The following RNF182 variants were observed in gnomAD, a reference collection of about 807,000 sequenced individuals.
The protein encoded by RNF182 is E3 ubiquitin-protein ligase RNF182.
RNF182 carries 15 observed loss-of-function variants against 14.4 expected under a neutral mutation model. That is an observed-to-expected ratio of 1.04 (90% CI 0.70 to 1.60). The LOEUF is 1.60. Among genes scored for constraint, RNF182 ranks in the 40% most tolerant of loss-of-function variants. RNF182 has a pLI of 0.00. For missense variants in RNF182, 268 were observed against 294.8 expected (o/e 0.91, Z 0.67); for synonymous variants, 128 against 122.9 (o/e 1.04, Z -0.27).
At chr6:13,955,458 A>G (rs926654862) in intron 1 of RNF182, among the ~76,000 whole-genome samples, 2 of 152,262 alleles carry the variant, frequency 1.3e-5, no homozygotes, top group Admixed American at 6.5e-5. Flanking sequence ...ATTTGGTTTC[A>G]GAGTGGGTTA....
rs577642423 is a variant in RNF182, at chr6:13,937,514, C to T, written c.-367+12491C>T. Among the ~76,000 whole-genome samples, 7 of 152,264 alleles carry T rather than the reference C, an allele frequency of 4.6e-5. No individual in the cohort carries two copies. In the South Asian group the frequency reaches 1.5e-3, roughly 32 times the overall value. On this transcript the variant is annotated intron_variant, in intron 1 of 2. Coordinates refer to ENST00000488300, the MANE Select transcript of RNF182 (RefSeq NM_152737.4). ...TAGTAATAGTTTGTTTTTTGTCTCT[C>T]TCATTTTGGTATAGTATTTCATTGC...
intron 1 of RNF182, among the ~76,000 whole-genome samples, chr6:13,954,933 G>T (rs997613041): frequency 2.0e-5 from 3 of 152,170 alleles, no homozygotes; most frequent in Admixed American, 2.0e-4. Flanking sequence ...GCATCAGGAG[G>T]CAACTGCTGC....
Position 13,929,903 on chromosome 6 carries a change from CAA to C in RNF182, c.-367+4881_-367+4882del, listed in dbSNP as rs1758922561. On this transcript the variant is annotated intron_variant, in intron 1 of 2. Transcript: ENST00000488300. ...AGAAACAAAACCTAAAGTCATAAAA[CAA>C]GAAGCATTTCTTCATAGCATATTGT... Among the ~76,000 whole-genome samples, 3 of 152,130 alleles carry C rather than the reference CAA, an allele frequency of 2.0e-5. No homozygotes were observed. The South Asian group carries it at 6.2e-4, about 32-fold the overall frequency.
At position 13,979,402 on chromosome 6, in the gene RNF182, T is replaced by C; in HGVS notation, c.*1539T>C. 6.0e-6 allele frequency: 1 copy of C among 167,178 alleles called. No homozygotes were observed. The allele number at this position is 167,178 out of a possible 1,614,324, so 10.4% of individuals were successfully genotyped here. ...ACGACTTTAACTTGTTATGAAATCTTTGTTGTGTGATGCAGGTACAGTGCG... is the reference window on the plus strand; with the variant it reads ...ACGACTTTAACTTGTTATGAAATCTCTGTTGTGTGATGCAGGTACAGTGCG... On this transcript the variant is annotated 3_prime_UTR_variant, in exon 3 of 3. Coordinates refer to ENST00000488300, the MANE Select transcript of RNF182 (RefSeq NM_152737.4).
At chr6:13,976,440 T>C (rs1384971770) in intron 2 of RNF182, among the ~76,000 whole-genome samples, 1 of 152,218 alleles carries the variant, frequency 6.6e-6, no homozygotes, top group African/African-American at 2.4e-5. Context: ...TGAAAACACA[T>C]TTTTAACATT....
intron 1 of RNF182, among the ~76,000 whole-genome samples, chr6:13,958,471 G>A (rs2113625524): frequency 6.6e-6 from 1 of 152,212 alleles, no homozygotes; most frequent in African/African-American, 2.4e-5. Context: ...TCAAGACAAA[G>A]TGCTGACTTC....
intron 1 of RNF182, chr6:13,949,026 T>A (rs1759514923): frequency 7.0e-6 from 4 of 569,962 alleles, no homozygotes; most frequent in Non-Finnish European, 1.3e-5. Context: ...TCACTCCTAA[T>A]CAGTTTGACC....
chr6:13,972,648 T>A (rs948758963), intron 1 of RNF182, among the ~76,000 whole-genome samples: 1 of 152,148 alleles, frequency 6.6e-6, no homozygotes, highest in Admixed American at 6.5e-5. Context: ...GCCCATGACT[T>A]CAGAGGGTGC....
chr6:13,945,905 G>A (rs1482074980), intron 1 of RNF182, among the ~76,000 whole-genome samples: 1 of 152,040 alleles, frequency 6.6e-6, no homozygotes, highest in Non-Finnish European at 1.5e-5. Context: ...AGAGTAAAGT[G>A]AAAACAAGTA....
In RNF182 at chr6:13,951,076, T is replaced by C. The variant is rs193192279; in HGVS notation, c.-366-23134T>C. ...CCTTCCAAAGTGCTGAGATTACAGG[T>C]GTGAGCCATTGTGCCCAGCCACTTA... On this transcript the variant is annotated intron_variant, in intron 1 of 2. Coordinates refer to ENST00000488300, the MANE Select transcript of RNF182 (RefSeq NM_152737.4). 1.7e-3 allele frequency among the ~76,000 whole-genome samples: 261 copies of C among 152,314 alleles called. 2 individuals are homozygous for C. The highest frequency in any genetic ancestry group is 3.4e-3 in the Middle Eastern group (1 of 294).
chr6:13,978,064 G>A lies in RNF182; in HGVS notation c.*201G>A, dbSNP rs1418111182. On this transcript the variant is annotated 3_prime_UTR_variant, in exon 3 of 3. Coordinates refer to ENST00000488300, the MANE Select transcript of RNF182 (RefSeq NM_152737.4). ...TTTCTACTTAGGGGTTAGCAAAATT[G>A]TATAAGCTCACACTTCATGGAGCAC... is the stretch of plus-strand genomic sequence containing the variant. 1.8e-6 allele frequency: 1 copy of A among 568,680 alleles called. No homozygotes were observed. Among genetic ancestry groups the A allele is most frequent in the Admixed American group, 3.3e-5 (1 of 30,632 alleles). 35.2% of individuals were successfully genotyped at this position (568,680 alleles called of 1,614,324 possible).
At chr6:13,963,257 CA>C (rs1199292013) in intron 1 of RNF182, among the ~76,000 whole-genome samples, 2 of 152,116 alleles carry the variant, frequency 1.3e-5, no homozygotes, top group Non-Finnish European at 2.9e-5. Context: ...ATGGATTGGA[CA>C]GCTTCAAAGT....
chr6:13,930,395 C>T (rs996982855), intron 1 of RNF182, among the ~76,000 whole-genome samples: 14 of 152,184 alleles, frequency 9.2e-5, no homozygotes. Context: ...TTGCTATATA[C>T]ATGTAAATCT....
chr6:13,927,584 GACAAAAAAA>G (rs1391822865), intron 1 of RNF182, among the ~76,000 whole-genome samples: 2 of 152,020 alleles, frequency 1.3e-5, no homozygotes, highest in Admixed American at 1.3e-4. Flanking sequence ...CATATCCAAA[GACAAAAAAA>G]AGCCACAAAT....
intron 1 of RNF182, among the ~76,000 whole-genome samples, chr6:13,945,290 C>CT (rs1342060993): frequency 6.6e-6 from 1 of 152,152 alleles, no homozygotes; most frequent in African/African-American, 2.4e-5. Context: ...TTGTGGCCCA[C>CT]TTTAGGGATT....
chr6:13,931,935 C>T (rs1758982869), intron 1 of RNF182, among the ~76,000 whole-genome samples: 1 of 152,122 alleles, frequency 6.6e-6, no homozygotes, highest in Non-Finnish European at 1.5e-5. Context: ...AAAGAGACCC[C>T]AGAGAGGTCA....
chr6:13,971,408 C>T (rs1023285322), intron 1 of RNF182, among the ~76,000 whole-genome samples: 1 of 152,124 alleles, frequency 6.6e-6, no homozygotes, highest in African/African-American at 2.4e-5. Context: ...AATTGTGAGT[C>T]CATTAACCCT....
chr6:13,969,655 G>A (rs903386288), intron 1 of RNF182, among the ~76,000 whole-genome samples: 10 of 152,182 alleles, frequency 6.6e-5, no homozygotes, highest in African/African-American at 2.4e-4. Flanking sequence ...AGCAGAGTAA[G>A]ATGGATTTGA....
chr6:13,948,625 G>T (rs1315116883), intron 1 of RNF182, among the ~76,000 whole-genome samples: 1 of 152,140 alleles, frequency 6.6e-6, no homozygotes, highest in Non-Finnish European at 1.5e-5. Context: ...ATCAAGTCAG[G>T]AAAGACTTAT....
Sources: gnomAD v4.1 joint callset for allele counts (sites outside exome capture counted in the v4.1 genomes callset) on GRCh38, gnomAD v4.1.1 for gene constraint, MANE v1.5 for transcripts, NCBI Gene and HGNC (gene_info 2026-07-23, HGNC 2026-07-21) for gene names.